The following HOXC10 variants were observed in gnomAD, a reference collection of about 807,000 sequenced individuals.
HOXC10 encodes homeobox C10, also known as homeobox protein Hox-C10.
Under a neutral mutation model 26.0 loss-of-function variants are expected in HOXC10, and 15 were observed. The ratio of observed to expected loss-of-function variants is 0.58; its 90% CI spans 0.39 to 0.89. The LOEUF (loss-of-function observed/expected upper bound fraction) is 0.89, where lower values mean the gene tolerates loss of function less well. HOXC10 is among the 40% of genes least tolerant of loss of function. HOXC10 has a pLI of 0.00. For missense variants in HOXC10, 446 were observed against 451.9 expected (o/e 0.99, Z 0.12); for synonymous variants, 196 against 185.5 (o/e 1.06, Z -0.46).
At chr12:53,986,446 T>G in intron 1 of HOXC10, 1 of 157,524 alleles carries the variant, frequency 6.3e-6, no homozygotes, top group Non-Finnish European at 1.4e-5. Context: ...GCTGGGGAGA[T>G]GGGGGGAGTT....
chr12:53,986,806 G>C (rs1411670644), intron 1 of HOXC10: 1 of 152,162 alleles, frequency 6.6e-6, no homozygotes, highest in African/African-American at 2.4e-5. Context: ...TTCTGTGTGC[G>C]TGGCAAGAGG....
intron 1 of HOXC10, among the ~76,000 whole-genome samples, chr12:53,988,159 T>C (rs1190839180): frequency 6.6e-6 from 1 of 152,204 alleles, no homozygotes; most frequent in Admixed American, 6.5e-5. Flanking sequence ...GATGGCCAGG[T>C]TCCCTTCTGC....
chr12:53,988,679 C>T (rs1939472939), intron 1 of HOXC10, among the ~76,000 whole-genome samples: 1 of 152,258 alleles, frequency 6.6e-6, no homozygotes. Context: ...CCTCTGGCCA[C>T]AGATCCTGGA....
Position 53,989,410 on chromosome 12 carries a change from G to T in HOXC10, c.993G>T (p.Arg331=). 1 of 1,613,854 alleles carries T rather than the reference G, an allele frequency of 6.2e-7. No homozygotes were observed. Among genetic ancestry groups the T allele is most frequent in the South Asian group, 1.1e-5 (1 of 90,994 alleles). Residue 331 remains arginine, a synonymous_variant, in exon 2 of 2, where the codon CGG becomes CGT. Coordinates refer to ENST00000303460, the MANE Select transcript of HOXC10 (RefSeq NM_017409.4). ...TCAAGAAAATGAACCGAGAGAATCGGATCCGGGAACTGACCTCCAATTTTA... is the reference window on the plus strand; with the variant it reads ...TCAAGAAAATGAACCGAGAGAATCGTATCCGGGAACTGACCTCCAATTTTA... ...MKLKKMNREN[R]IRELTSNFNF...
intron 1 of HOXC10, among the ~76,000 whole-genome samples, chr12:53,987,348 T>A (rs995128082): frequency 1.3e-5 from 2 of 152,124 alleles, no homozygotes; most frequent in Admixed American, 1.3e-4. Flanking sequence ...TCCCCTTGGG[T>A]CTGCAAAGGT....
At chr12:53,986,595 G>C (rs1005460234) in intron 1 of HOXC10, 1 of 152,324 alleles carries the variant, frequency 6.6e-6, no homozygotes, top group Non-Finnish European at 1.5e-5. Flanking sequence ...GGCTGGAGCC[G>C]GAAGAGGTGG....
intron 1 of HOXC10, chr12:53,986,347 T>C (rs370020493): frequency 4.4e-6 from 1 of 227,290 alleles, no homozygotes. Context: ...TTCTCAATGC[T>C]GGTGTCCTGG....
At chr12:53,988,014 C>T (rs114024835) in intron 1 of HOXC10, among the ~76,000 whole-genome samples, 3,621 of 152,174 alleles carry the variant, frequency 0.024, 158 homozygotes, top group African/African-American at 0.083. Flanking sequence ...CGCCTCACCC[C>T]GCCCCCAACA....
chr12:53,985,363 CTG>C lies in HOXC10; in HGVS notation c.105_106del (p.Gly36GlufsTer2), dbSNP rs767003601. 2 of 1,614,102 alleles carry C rather than the reference CTG, an allele frequency of 1.2e-6. No individual in the cohort carries two copies. Among genetic ancestry groups the C allele is most frequent in the Non-Finnish European group, 1.7e-6 (2 of 1,180,036 alleles). On this transcript the variant is annotated frameshift_variant, in exon 1 of 2. Transcript: ENST00000303460. LOFTEE classifies it high-confidence loss of function. ...CGGAGCGCAGGCATGTATATGCAGTCTGGGAGTGACTTCAATTGCGGGGTGAT... is the reference window on the plus strand; with the variant it reads ...CGGAGCGCAGGCATGTATATGCAGTCGGAGTGACTTCAATTGCGGGGTGAT...
chr12:53,989,477 C>T lies in HOXC10; in HGVS notation c.*31C>T. ...CGGCCTCTCCTCCTCCCTTCCCGCT[C>T]CTTCCTCTCCCCGCCCCTCCTCCCT... On this transcript the variant is annotated 3_prime_UTR_variant, in exon 2 of 2. Transcript: ENST00000303460. 2 of 1,583,944 alleles carry T rather than the reference C, an allele frequency of 1.3e-6. No individual in the cohort carries two copies. The highest frequency in any genetic ancestry group is 1.7e-6 in the Non-Finnish European group (2 of 1,162,618).
At position 53,985,619 on chromosome 12, in the gene HOXC10, G is replaced by A. The variant is rs755531147; in HGVS notation, c.360G>A (p.Ala120=). Residue 120 remains alanine (A), a synonymous_variant, in exon 1 of 2, where the codon GCG becomes GCA. Transcript: ENST00000303460. ...VCCMYSAEKR[A]KSGPEAALYS... is the part of the protein sequence containing the mutation. ...GCATGTACAGCGCAGAGAAGCGGGC[G>A]AAAAGTGGCCCCGAGGCAGCTCTCT... The A allele has an allele frequency of 1.2e-6, 2 of 1,613,802 alleles. No individual in the cohort carries two copies. The highest frequency in any genetic ancestry group is 1.6e-4 in the Middle Eastern group (1 of 6,062).
chr12:53,986,908 G>A (rs1226892224), intron 1 of HOXC10, among the ~76,000 whole-genome samples: 1 of 152,172 alleles, frequency 6.6e-6, no homozygotes, highest in Non-Finnish European at 1.5e-5. Context: ...CAGGGTTCAA[G>A]ATTCATTTCT....
rs895420099 is a variant in HOXC10 at position 53,985,835 on chromosome 12, G to C, written c.576G>C (p.Leu192=). 6.2e-7 allele frequency: 1 copy of C among 1,613,770 alleles called. No individual in the cohort carries two copies. Among genetic ancestry groups the C allele is most frequent in the Non-Finnish European group, 8.5e-7 (1 of 1,180,004 alleles). Residue 192 remains leucine (L), a synonymous_variant, in exon 1 of 2, where the codon CTG becomes CTC. Transcript: ENST00000303460. The stretch of plus-strand genomic sequence containing the variant: ...CCGAACATCTGGAATCGCCTCAGCT[G>C]GGGGGCAAAGTGAGTTTCCCTGAGA... ...PRAEHLESPQ[L]GGKVSFPETP...
intron 1 of HOXC10, 41 bp from the exon 2 acceptor site, chr12:53,989,128 A>T: frequency 6.4e-7 from 1 of 1,551,918 alleles, no homozygotes; most frequent in Non-Finnish European, 8.7e-7. Context: ...AGGGTTTTCG[A>T]CTTCGAGGGA....
At chr12:53,986,963 G>A (rs1939446254) in intron 1 of HOXC10, among the ~76,000 whole-genome samples, 1 of 152,038 alleles carries the variant, frequency 6.6e-6, no homozygotes, top group Non-Finnish European at 1.5e-5. Flanking sequence ...TGATACTTGG[G>A]GAAAGAATGT....
chr12:53,988,379 G>A (rs1472956584), intron 1 of HOXC10, among the ~76,000 whole-genome samples: 3 of 152,216 alleles, frequency 2.0e-5, no homozygotes, highest in Non-Finnish European at 4.4e-5. Context: ...ATCTACGTAT[G>A]CACAGACTGG....
Position 53,989,835 on chromosome 12 carries a change from T to C in HOXC10, c.*389T>C, listed in dbSNP as rs1212629473. The C allele has an allele frequency of 5.3e-6, 1 of 189,732 alleles. No individual in the cohort carries two copies. Among genetic ancestry groups the C allele is most frequent in the Non-Finnish European group, 1.1e-5 (1 of 92,426 alleles). 11.8% of individuals were successfully genotyped at this position (189,732 alleles called of 1,614,324 possible). A position where few individuals can be genotyped will look rare whatever the true frequency, so the allele number is the denominator to read the frequency against. ...AATTAACCAGAGAGGGTCTGTAATC[T>C]CGCAGAGCACAGGCAGAATCGTTCC... On this transcript the variant is annotated 3_prime_UTR_variant, in exon 2 of 2. Transcript: ENST00000303460.
intron 1 of HOXC10, among the ~76,000 whole-genome samples, chr12:53,987,681 C>A (rs1412818269): frequency 6.6e-6 from 1 of 152,144 alleles, no homozygotes; most frequent in Non-Finnish European, 1.5e-5. Context: ...TCCCTCCCAC[C>A]CCAAGGAATC....
chr12:53,989,397 AC>A lies in HOXC10; in HGVS notation c.982del (p.Arg328GlufsTer8). On this transcript the variant is annotated frameshift_variant, in exon 2 of 2. Coordinates refer to ENST00000303460, the MANE Select transcript of HOXC10 (RefSeq NM_017409.4). LOFTEE classifies it high-confidence loss of function. ...QNRRMKLKKMNRENRIRELTS... is the reference protein window; with the variant it reads ...QNRRMKLKKMXRENRIRELTS... ...CGCAGAATGAAACTCAAGAAAATGA[AC>A]CGAGAGAATCGGATCCGGGAACTGA... 6 of 1,614,022 alleles carry A rather than the reference AC, an allele frequency of 3.7e-6. No homozygotes were observed. Among genetic ancestry groups the A allele is most frequent in the Non-Finnish European group, 4.2e-6 (5 of 1,179,980 alleles).
Sources: allele counts gnomAD v4.1 joint callset (sites outside exome capture counted in the v4.1 genomes callset), GRCh38; gene constraint gnomAD v4.1.1; transcripts MANE v1.5; gene names NCBI Gene and HGNC (gene_info 2026-07-23, HGNC 2026-07-21).